Variants in LRP1B observed in about 807,000 individuals in gnomAD.
LRP1B encodes LDL receptor related protein 1B, also known as low-density lipoprotein receptor-related protein 1B.
In LRP1B, 217 loss-of-function variants were observed where a neutral mutation model predicts 556.6. The observed-to-expected ratio is 0.39, with a 90% CI of 0.35 to 0.44. The LOEUF is 0.44. LRP1B is among the 20% of genes least tolerant of loss of function. The pLI, the probability that LRP1B is intolerant of heterozygous loss-of-function variation, is 1.00. For synonymous variants in LRP1B, 2,047 were observed against 1,865.8 expected (o/e 1.10, Z -2.50); for missense variants, 5,053 against 5,620.8 (o/e 0.90, Z 3.23).
intron 1 of LRP1B, among the ~76,000 whole-genome samples, chr2:141,956,899 G>GAA (rs1197156431): frequency 6.6e-6 from 1 of 151,982 alleles, no homozygotes; most frequent in Admixed American, 6.6e-5. Flanking sequence ...TCCAAATGCA[G>GAA]AAAGTTCTTT....
chr2:141,323,995 T>TCTCA lies in LRP1B; in HGVS notation c.344-69355_344-69354insTGAG, dbSNP rs1553495602. ...GTACTCACATACCTGAGCAAGGAAA[T>TCTCA]CACACACACACACACACACCTGAAC... On this transcript the variant is annotated intron_variant, in intron 3 of 90. Transcript: ENST00000389484. Among the ~76,000 whole-genome samples, 285 of 107,336 alleles carry TCTCA rather than the reference T, an allele frequency of 2.7e-3. 9 individuals are homozygous for TCTCA. The highest frequency in any genetic ancestry group is 0.01 in the African/African-American group (276 of 27,024). The allele number at this position is 107,336 out of a possible 152,430, so 70.4% of individuals were successfully genotyped here.
At chr2:140,903,837 A>AT (rs1232185770) in intron 22 of LRP1B, among the ~76,000 whole-genome samples, 2 of 151,446 alleles carry the variant, frequency 1.3e-5, no homozygotes, top group Non-Finnish European at 2.9e-5. Context: ...TTGTCCTGGT[A>AT]TTTTGTCTGA....
rs202107207 is a variant in LRP1B at position 141,480,544 on chromosome 2, G to A, written c.206-11C>T. ...CTACCTCCTCGGGACCTGAAAAGAT[G>A]TAAAAAAGAACAGAATTATGTGTTA... On this transcript the variant is annotated splice_polypyrimidine_tract_variant and intron_variant, in intron 2 of 90. Transcript: ENST00000389484. 2 of 1,613,462 alleles carry A rather than the reference G, an allele frequency of 1.2e-6. No individual in the cohort carries two copies. The highest frequency in any genetic ancestry group is 1.7e-5 in the Admixed American group (1 of 59,980).
chr2:140,998,506 C>T (rs1697319452), intron 15 of LRP1B, among the ~76,000 whole-genome samples: 1 of 151,942 alleles, frequency 6.6e-6, no homozygotes, highest in African/African-American at 2.4e-5. Flanking sequence ...TTTACACATG[C>T]TTCTCAGGGG....
chr2:141,617,710 A>G (rs1688359444), intron 2 of LRP1B, among the ~76,000 whole-genome samples: 1 of 152,190 alleles, frequency 6.6e-6, no homozygotes, highest in African/African-American at 2.4e-5. Context: ...GGCAAATAGA[A>G]GGAATTTTAG....
intron 1 of LRP1B, among the ~76,000 whole-genome samples, chr2:141,860,207 T>C (rs1237835988): frequency 3.3e-5 from 5 of 152,162 alleles, no homozygotes; most frequent in Non-Finnish European, 5.9e-5. Context: ...AACAAAAAGA[T>C]GATCTTTTGA....
intron 3 of LRP1B, among the ~76,000 whole-genome samples, chr2:141,288,746 CT>C (rs1685823435): frequency 6.6e-6 from 1 of 152,144 alleles, no homozygotes; most frequent in Non-Finnish European, 1.5e-5. Context: ...ACCTAAAACT[CT>C]TTTCTTCCCT....
intron 3 of LRP1B, among the ~76,000 whole-genome samples, chr2:141,409,520 C>T (rs756982065): frequency 6.6e-6 from 1 of 152,026 alleles, no homozygotes; most frequent in Non-Finnish European, 1.5e-5. Flanking sequence ...AGTATAAAAC[C>T]CTGGCCCGTA....
chr2:140,792,987 A>C (rs1690175791), intron 32 of LRP1B, among the ~76,000 whole-genome samples: 2 of 151,808 alleles, frequency 1.3e-5, no homozygotes, highest in Admixed American at 1.3e-4. Flanking sequence ...ATTTAAATAA[A>C]ATATCTATAA....
intron 43 of LRP1B, 137 bp from the exon 44 acceptor site, chr2:140,542,108 T>G (rs1680158304): frequency 3.6e-6 from 2 of 554,960 alleles, no homozygotes; most frequent in Non-Finnish European, 6.1e-6. Context: ...AAAATAAAAT[T>G]TTACTAAATG....
intron 18 of LRP1B, among the ~76,000 whole-genome samples, chr2:140,981,429 A>G (rs1470200344): frequency 8.5e-5 from 13 of 152,124 alleles, no homozygotes; most frequent in Admixed American, 8.5e-4. Flanking sequence ...ATCTATTGCC[A>G]TGACTTAAAT....
At chr2:141,071,708 T>G (rs915415278) in intron 7 of LRP1B, among the ~76,000 whole-genome samples, 1 of 151,976 alleles carries the variant, frequency 6.6e-6, no homozygotes, top group Non-Finnish European at 1.5e-5. Context: ...TATACACCAA[T>G]AACAGACAAA....
chr2:141,237,225 A>G (rs928130382), intron 5 of LRP1B, among the ~76,000 whole-genome samples: 13 of 152,166 alleles, frequency 8.5e-5, no homozygotes, highest in African/African-American at 3.1e-4. Flanking sequence ...GATAAAGGGT[A>G]TCATTAAAAG....
At chr2:140,929,885 G>A (rs967767832) in intron 20 of LRP1B, among the ~76,000 whole-genome samples, 2 of 151,918 alleles carry the variant, frequency 1.3e-5, no homozygotes, top group African/African-American at 4.8e-5. Flanking sequence ...GTTTGGGTGG[G>A]TGTTGATGTT....
In LRP1B at chr2:142,035,019, A is replaced by G. The variant is rs552021386; in HGVS notation, c.82+95629T>C. 1.9e-4 allele frequency among the ~76,000 whole-genome samples: 29 copies of G among 151,876 alleles called. 1 individual carries two copies. The highest frequency in any genetic ancestry group is 6.7e-4 in the African/African-American group (28 of 41,510). ...AATAAAGATCTTATTTCATTCATTT[A>G]CTAATTTAAAATGGGTAGGGTATAC... On this transcript the variant is annotated intron_variant, in intron 1 of 90. Coordinates refer to ENST00000389484, the MANE Select transcript of LRP1B (RefSeq NM_018557.3).
chr2:141,724,772 T>C (rs543397229), intron 2 of LRP1B, among the ~76,000 whole-genome samples: 3 of 152,124 alleles, frequency 2.0e-5, no homozygotes, highest in South Asian at 2.1e-4. Context: ...TTATTCTACA[T>C]TGACTATTTT....
intron 16 of LRP1B, among the ~76,000 whole-genome samples, chr2:140,990,459 GAATGGAAGGAGGAACACAGAAAAGAA>G (rs1196547653): frequency 2.0e-5 from 3 of 151,782 alleles, no homozygotes; most frequent in African/African-American, 7.3e-5. Flanking sequence ...TGTTTCTTGG[GAATGGAAGGAGGAACACAGAAAAGAA>G]AATGAAAACA....
intron 1 of LRP1B, among the ~76,000 whole-genome samples, chr2:141,887,224 G>A (rs1420488369): frequency 6.6e-6 from 1 of 152,032 alleles, no homozygotes; most frequent in Non-Finnish European, 1.5e-5. Flanking sequence ...TCGAACTCCT[G>A]ACCTCAAATG....
intron 66 of LRP1B, among the ~76,000 whole-genome samples, chr2:140,387,997 C>A (rs1316928601): frequency 6.7e-6 from 1 of 149,636 alleles, no homozygotes; most frequent in Non-Finnish European, 1.5e-5. Flanking sequence ...AGTGCAGTGG[C>A]ATGATCTTGG....
Sources: allele counts gnomAD v4.1 joint callset (sites outside exome capture counted in the v4.1 genomes callset), GRCh38; gene constraint gnomAD v4.1.1; transcripts MANE v1.5; gene names NCBI Gene and HGNC (gene_info 2026-07-23, HGNC 2026-07-21).